Variants in ABL2 observed in about 807,000 individuals in gnomAD.
The protein encoded by ABL2 is ABL proto-oncogene 2, non-receptor tyrosine kinase, also known as tyrosine-protein kinase ABL2.
A neutral mutation model predicts 107.7 loss-of-function variants in ABL2; 49 were observed. That is an observed-to-expected ratio of 0.45 (90% CI 0.36 to 0.58). The LOEUF is 0.58. Ranked by LOEUF, ABL2 falls within the 20% of genes least tolerant of loss-of-function variation. ABL2 has a pLI of 0.00. For missense variants in ABL2, 1,245 were observed against 1,457.0 expected (o/e 0.85, Z 2.37); for synonymous variants, 549 against 548.6 (o/e 1.00, Z -0.01).
chr1:179,120,501 T>C (rs1655089458), intron 5 of ABL2, among the ~76,000 whole-genome samples: 1 of 152,200 alleles, frequency 6.6e-6, no homozygotes, highest in Non-Finnish European at 1.5e-5. Flanking sequence ...GTGATCTCAC[T>C]GCAACCTCCG....
At chr1:179,141,455 G>A (rs2102705527) in intron 1 of ABL2, among the ~76,000 whole-genome samples, 1 of 152,218 alleles carries the variant, frequency 6.6e-6, no homozygotes, top group South Asian at 2.1e-4. Flanking sequence ...CTGACAAAAG[G>A]AGAAAACAGA....
chr1:179,199,621 T>C (rs1043138483), intron 1 of ABL2, among the ~76,000 whole-genome samples: 1 of 152,158 alleles, frequency 6.6e-6, no homozygotes, highest in African/African-American at 2.4e-5. Flanking sequence ...AACCACCCTA[T>C]GCAGCAGGCA....
chr1:179,109,821 G>A (rs746830790), intron 11 of ABL2, among the ~76,000 whole-genome samples: 7 of 151,918 alleles, frequency 4.6e-5, no homozygotes, highest in Non-Finnish European at 8.8e-5. Flanking sequence ...CCAGCTACTC[G>A]GAAAGCTGAG....
At chr1:179,152,914 T>A (rs1658445735) in intron 1 of ABL2, among the ~76,000 whole-genome samples, 1 of 152,144 alleles carries the variant, frequency 6.6e-6, no homozygotes, top group Non-Finnish European at 1.5e-5. Flanking sequence ...GAAACAAATA[T>A]TAAATCTCTG....
At position 179,126,549 on chromosome 1, in the gene ABL2, G is replaced by C; in HGVS notation, c.515C>G (p.Ser172Cys). ...ITPVNSLEKH[S>C]WYHGPVSRSA... Reference sequence around the variant, plus strand: ...GCGTGACACAGGTCCATGGTACCAGGAGTGTTTTTCCAGGCTGTTCACTGG... The same window carrying C: ...GCGTGACACAGGTCCATGGTACCAGCAGTGTTTTTCCAGGCTGTTCACTGG... Residue 172 changes from serine to cysteine, a missense_variant, in exon 4 of 12, where the codon TCC becomes TGC. Ser to Cys is a moderately radical substitution (Grantham distance 112). This residue lies in a region of ABL2 where 320 missense variants were observed against 547.0 expected (regional missense o/e 0.59). Transcript: ENST00000502732. This position sits in a 1 kb window ranked among gnomAD's most constrained non-coding sequence, Gnocchi z 4.4. 6.2e-7 allele frequency: 1 copy of C among 1,614,166 alleles called. No individual in the cohort carries two copies. Among genetic ancestry groups the C allele is most frequent in the East Asian group, 2.2e-5 (1 of 44,880 alleles).
intron 1 of ABL2, among the ~76,000 whole-genome samples, chr1:179,202,548 A>C (rs1355990555): frequency 6.6e-6 from 1 of 152,208 alleles, no homozygotes; most frequent in Non-Finnish European, 1.5e-5. Flanking sequence ...ACCTGTATAC[A>C]AATGTGTACT....
intron 8 of ABL2, 44 bp downstream of exon 8, chr1:179,117,288 A>C: frequency 6.3e-7 from 1 of 1,585,956 alleles, no homozygotes; most frequent in South Asian, 1.1e-5. Flanking sequence ...CATTTATAAA[A>C]AAAAAAATAA....
intron 6 of ABL2, among the ~76,000 whole-genome samples, chr1:179,119,469 C>A (rs1654971882): frequency 6.6e-6 from 1 of 151,556 alleles, no homozygotes; most frequent in African/African-American, 2.4e-5. Context: ...CAGGATCATG[C>A]CACTGCACTC....
chr1:179,212,265 T>C (rs1662318162), intron 1 of ABL2, among the ~76,000 whole-genome samples: 2 of 152,282 alleles, frequency 1.3e-5, no homozygotes, highest in Non-Finnish European at 2.9e-5. Flanking sequence ...AAGGTGAGAT[T>C]TGGGTGGGGA....
chr1:179,166,995 A>G (rs1342429764), intron 1 of ABL2, among the ~76,000 whole-genome samples: 1 of 152,104 alleles, frequency 6.6e-6, no homozygotes, highest in Non-Finnish European at 1.5e-5. Flanking sequence ...ACAGTTGGAG[A>G]TTTCTCAAAA....
At chr1:179,229,208 C>CCCCCCCCCCCCAAA in intron 1 of ABL2, 33 bp downstream of exon 1, 3 of 1,488,054 alleles carry the variant, frequency 2.0e-6, no homozygotes, top group Non-Finnish European at 2.7e-6. Flanking sequence ...CGGCCTCCCC[C>CCCCCCCCCCCCAAA]ACGCTCTCAT....
intron 1 of ABL2, among the ~76,000 whole-genome samples, chr1:179,153,665 C>T (rs1658502502): frequency 6.6e-6 from 1 of 152,026 alleles, no homozygotes; most frequent in Non-Finnish European, 1.5e-5. Flanking sequence ...TGTATAAAGA[C>T]CAAAAATTCC....
chr1:179,166,893 C>T (rs868036044), intron 1 of ABL2, among the ~76,000 whole-genome samples: 1 of 150,966 alleles, frequency 6.6e-6, no homozygotes, highest in Non-Finnish European at 1.5e-5. Flanking sequence ...ATTAAAAAGA[C>T]AAAAAATAAC....
chr1:179,110,949 G>T (rs1572610047), intron 10 of ABL2: 2 of 1,377,310 alleles, frequency 1.5e-6, no homozygotes, highest in Non-Finnish European at 1.0e-6. Context: ...TACTCTGCAT[G>T]CTTGCTAAAA....
chr1:179,122,074 C>T (rs1458925415), intron 4 of ABL2, among the ~76,000 whole-genome samples: 2 of 151,268 alleles, frequency 1.3e-5, no homozygotes, highest in Non-Finnish European at 3.0e-5. Context: ...CTATAGGCGC[C>T]CGCCACCATG....
chr1:179,165,893 TC>T (rs1659349501), intron 1 of ABL2, among the ~76,000 whole-genome samples: 1 of 152,074 alleles, frequency 6.6e-6, no homozygotes, highest in African/African-American at 2.4e-5. Context: ...CCTCCTAGGT[TC>T]CGGCGATTCT....
intron 1 of ABL2, among the ~76,000 whole-genome samples, chr1:179,140,975 G>A (rs1465948943): frequency 2.0e-5 from 3 of 152,064 alleles, no homozygotes. Flanking sequence ...CCCTGACTGG[G>A]TGTGGTGGCG....
intron 3 of ABL2, among the ~76,000 whole-genome samples, chr1:179,130,726 T>TTGTGTGTGTGTGTGTGTGTG (rs10643666): frequency 7.0e-6 from 1 of 142,722 alleles, no homozygotes; most frequent in African/African-American, 2.6e-5. Flanking sequence ...ATTATTGATT[T>TTGTGTGTGTGTGTGTGTGTG]TGTGTGTGTG....
intron 1 of ABL2, among the ~76,000 whole-genome samples, chr1:179,134,167 C>G (rs1173916072): frequency 1.3e-5 from 2 of 152,160 alleles, no homozygotes; most frequent in Non-Finnish European, 2.9e-5. Flanking sequence ...TAACTGTTAG[C>G]TAAACAAATG....
Sources: allele counts gnomAD v4.1 joint callset (sites outside exome capture counted in the v4.1 genomes callset), GRCh38; gene constraint gnomAD v4.1.1; regional missense constraint gnomAD v4.1.1; non-coding constraint Gnocchi (gnomAD v3.1); transcripts MANE v1.5; gene names NCBI Gene and HGNC (gene_info 2026-07-23, HGNC 2026-07-21).